Variants in DNAH11 observed in about 807,000 individuals in gnomAD.
DNAH11 encodes dynein axonemal heavy chain 11, also known as axonemal beta dynein heavy chain 11.
DNAH11 carries 442 observed loss-of-function variants against 526.0 expected under a neutral mutation model. That is an observed-to-expected ratio of 0.84 (90% CI 0.78 to 0.91). The LOEUF (loss-of-function observed/expected upper bound fraction) is 0.91, where lower values mean the gene tolerates loss of function less well. Ranked by LOEUF, DNAH11 falls within the 40% of genes least tolerant of loss-of-function variation. DNAH11 has a pLI of 0.00. For missense variants in DNAH11, 6,989 were observed against 5,448.7 expected, an observed-to-expected ratio of 1.28 and a Z score of -8.90; for synonymous variants, 2,461 against 1,935.9, an observed-to-expected ratio of 1.27 and a Z score of -7.12.
At chr7:21,715,122 C>T (rs1361199223) in intron 42 of DNAH11, among the ~76,000 whole-genome samples, 2 of 152,324 alleles carry the variant, frequency 1.3e-5, no homozygotes, top group East Asian at 3.9e-4. Flanking sequence ...CTAACGTCTG[C>T]CATTTTTCCA....
intron 75 of DNAH11, 130 bp from the exon 76 acceptor site, chr7:21,884,161 A>C: frequency 1.4e-6 from 1 of 691,970 alleles, no homozygotes; most frequent in Non-Finnish European, 2.1e-6. Context: ...ACAATTTCTG[A>C]AGCACCTTTA....
chr7:21,866,563 G>T lies in DNAH11; in HGVS notation c.11590G>T (p.Glu3864Ter). ...WRKWVESECP[E>*]KEKLPQEWKK... Reference sequence around the variant, plus strand: ...GAAGTGGGTAGAATCCGAGTGTCCAGAAAAAGAAAAATTACCTCAAGAATG... The same window carrying T: ...GAAGTGGGTAGAATCCGAGTGTCCATAAAAAGAAAAATTACCTCAAGAATG... The change falls in exon 71 of 82, where the codon GAA becomes TAA. Residue 3864 changes from glutamate (E) to a stop codon, truncating the protein, a stop_gained. Coordinates refer to ENST00000409508, the MANE Select transcript of DNAH11 (RefSeq NM_001277115.2). LOFTEE classifies it high-confidence loss of function. 1 of 1,613,850 alleles carries T rather than the reference G, an allele frequency of 6.2e-7. No homozygotes were observed. The highest frequency in any genetic ancestry group is 8.5e-7 in the Non-Finnish European group (1 of 1,179,842).
intron 2 of DNAH11, among the ~76,000 whole-genome samples, chr7:21,553,911 AT>A (rs201546758): frequency 1.3e-5 from 2 of 150,744 alleles, no homozygotes; most frequent in African/African-American, 2.4e-5. Flanking sequence ...ATCCTTTGTA[AT>A]TTTTTTTTAA....
intron 46 of DNAH11, among the ~76,000 whole-genome samples, chr7:21,737,116 T>C (rs764384413): frequency 1.2e-4 from 19 of 152,182 alleles, no homozygotes; most frequent in Admixed American, 2.6e-4. Context: ...AAGAGAATTA[T>C]GATTTCAAAC....
At chr7:21,784,394 A>G (rs1400127587) in intron 57 of DNAH11, 33 bp from the exon 58 acceptor site, 7 of 1,500,618 alleles carry the variant, frequency 4.7e-6, no homozygotes, top group African/African-American at 4.1e-5. Flanking sequence ...ATAATAATTT[A>G]TACGGGTTTG....
intron 55 of DNAH11, among the ~76,000 whole-genome samples, chr7:21,771,802 G>A (rs1470182511): frequency 6.6e-6 from 1 of 152,036 alleles, no homozygotes; most frequent in African/African-American, 2.4e-5. Flanking sequence ...AGCCCTCGCT[G>A]CGGCAGCACC....
chr7:21,717,019 C>G (rs1784690246), intron 42 of DNAH11, among the ~76,000 whole-genome samples: 1 of 152,018 alleles, frequency 6.6e-6, no homozygotes, highest in East Asian at 1.9e-4. Flanking sequence ...TATTTATTCC[C>G]CATGCTTCAT....
chr7:21,784,490 G>A lies in DNAH11; in HGVS notation c.9547G>A (p.Ala3183Thr). The stretch of plus-strand genomic sequence containing the variant: ...AGAATGTGAAGCTGACTTACTCAAG[G>A]CTGAGCCTGCACTGGTGGCTGCTAC... Reference protein sequence around the residue: ...QRECEADLLKAEPALVAATAA... With the variant: ...QRECEADLLKTEPALVAATAA... The change falls in exon 58 of 82, where the codon GCT (alanine) becomes ACT (threonine). Residue 3183 changes from alanine to threonine, a missense_variant. By Grantham distance (58) the Ala-to-Thr change is moderately conservative. Transcript: ENST00000409508. 6.2e-7 allele frequency: 1 copy of A among 1,613,510 alleles called. No homozygotes were observed. The highest frequency in any genetic ancestry group is 1.7e-4 in the Middle Eastern group (1 of 6,058).
At chr7:21,647,616 A>G (rs1787421818) in intron 28 of DNAH11, among the ~76,000 whole-genome samples, 1 of 151,730 alleles carries the variant, frequency 6.6e-6, no homozygotes, top group Non-Finnish European at 1.5e-5. Flanking sequence ...TATTTTTAGT[A>G]GAGACGGGGT....
At chr7:21,741,146 T>C (rs1467593751) in intron 48 of DNAH11, among the ~76,000 whole-genome samples, 1 of 152,240 alleles carries the variant, frequency 6.6e-6, no homozygotes, top group Non-Finnish European at 1.5e-5. Context: ...TTTCTCTGTT[T>C]CTATAAATTT....
chr7:21,709,950 T>C (rs149487187), intron 40 of DNAH11, among the ~76,000 whole-genome samples: 229 of 152,308 alleles, frequency 1.5e-3, no homozygotes, highest in African/African-American at 5.2e-3. Context: ...TTTGCAACTG[T>C]TAAATATGTC....
chr7:21,675,082 CT>C (rs74763181), intron 30 of DNAH11, among the ~76,000 whole-genome samples: 12,923 of 152,186 alleles, frequency 0.085, 785 homozygotes, highest in East Asian at 0.2. Context: ...TTCTTCCAGT[CT>C]TACCTTCCTC....
chr7:21,642,656 A>G (rs1787180984), intron 28 of DNAH11, among the ~76,000 whole-genome samples: 2 of 152,162 alleles, frequency 1.3e-5, no homozygotes, highest in Non-Finnish European at 2.9e-5. Flanking sequence ...CTGTGTGGGT[A>G]GATAACTCAT....
intron 76 of DNAH11, among the ~76,000 whole-genome samples, chr7:21,887,429 A>G (rs1178969540): frequency 6.6e-6 from 1 of 152,246 alleles, no homozygotes; most frequent in Non-Finnish European, 1.5e-5. Flanking sequence ...TATAATACAA[A>G]CTATTTTAGT....
chr7:21,693,055 TTTTCA>T (rs1783697029), intron 35 of DNAH11, among the ~76,000 whole-genome samples: 1 of 152,214 alleles, frequency 6.6e-6, no homozygotes. Context: ...GTGGCTTGCC[TTTTCA>T]TTTTCTTTTG....
At chr7:21,884,222 G>A (rs1290098586) in intron 75 of DNAH11, 69 bp from the exon 76 acceptor site, 4 of 1,443,174 alleles carry the variant, frequency 2.8e-6, no homozygotes, top group Non-Finnish European at 2.8e-6. Context: ...AGGGGCACGT[G>A]CTACTGGTTG....
At chr7:21,594,971 C>T (rs551892085) in intron 14 of DNAH11, among the ~76,000 whole-genome samples, 5 of 152,264 alleles carry the variant, frequency 3.3e-5, no homozygotes, top group African/African-American at 1.2e-4. Flanking sequence ...TGTGTTGAGA[C>T]CCTCTGTAGG....
intron 25 of DNAH11, among the ~76,000 whole-genome samples, chr7:21,626,433 T>C (rs939952008): frequency 1.3e-5 from 2 of 152,214 alleles, no homozygotes; most frequent in African/African-American, 4.8e-5. Context: ...AGTGCAGATG[T>C]GTTTTCAACA....
chr7:21,672,291 A>C (rs1782669131), intron 30 of DNAH11, among the ~76,000 whole-genome samples: 1 of 152,222 alleles, frequency 6.6e-6, no homozygotes, highest in African/African-American at 2.4e-5. Flanking sequence ...CTAGCTCCAG[A>C]CTACTTTTCT....
Sources: allele counts gnomAD v4.1 joint callset (sites outside exome capture counted in the v4.1 genomes callset), GRCh38; gene constraint gnomAD v4.1.1; transcripts MANE v1.5; gene names NCBI Gene and HGNC (gene_info 2026-07-23, HGNC 2026-07-21).